Variants in CCDC91 observed in about 807,000 individuals in gnomAD.
CCDC91 encodes the protein coiled-coil domain-containing protein 91.
Under a neutral mutation model 63.2 loss-of-function variants are expected in CCDC91, and 48 were observed. The observed-to-expected ratio is 0.76, with a 90% CI of 0.60 to 0.97. The LOEUF is 0.97. Ranked by LOEUF, CCDC91 falls within the 50% of genes least tolerant of loss-of-function variation. CCDC91 has a pLI of 0.00. For missense variants in CCDC91, 500 were observed against 494.6 expected (o/e 1.01, Z -0.10); for synonymous variants, 167 against 165.8 (o/e 1.01, Z -0.06).
At chr12:28,254,421 A>T (rs568872394) in intron 1 of CCDC91, among the ~76,000 whole-genome samples, 6 of 152,338 alleles carry the variant, frequency 3.9e-5, no homozygotes, top group African/African-American at 1.2e-4. Flanking sequence ...TAAATGCTAG[A>T]ATATTCTAAA....
chr12:28,202,093 T>G (rs1942495581), intron 1 of CCDC91, among the ~76,000 whole-genome samples: 1 of 151,706 alleles, frequency 6.6e-6, no homozygotes, highest in Non-Finnish European at 1.5e-5. Context: ...AATTCCACAA[T>G]GTTTGTTTCT....
At chr12:28,227,858 C>T (rs1213863068) in intron 1 of CCDC91, among the ~76,000 whole-genome samples, 1 of 151,932 alleles carries the variant, frequency 6.6e-6, no homozygotes, top group African/African-American at 2.4e-5. Context: ...CTGTGTTTGC[C>T]TCTAACTGAT....
chr12:28,272,244 G>C (rs1413645482), intron 3 of CCDC91, among the ~76,000 whole-genome samples: 1 of 151,504 alleles, frequency 6.6e-6, no homozygotes, highest in Non-Finnish European at 1.5e-5. Context: ...AATTTTTTGG[G>C]CTTCTGAATG....
At position 28,259,331 on chromosome 12, in the gene CCDC91, A is replaced by G. The variant is rs753040669; in HGVS notation, c.31-33A>G. ...CTTAAATAGCATTTCTGCTTTTCAC[A>G]TCTTCTAAAATAATCTTGCCTTTGT... On this transcript the variant is annotated intron_variant, in intron 2 of 12. Transcript: ENST00000536442. The G allele has an allele frequency of 4.6e-6, 7 of 1,533,042 alleles. No homozygotes were observed. In the African/African-American group the frequency reaches 8.2e-5, roughly 18 times the overall value. 95.0% of individuals were successfully genotyped at this position (1,533,042 alleles called of 1,614,324 possible).
intron 10 of CCDC91, 146 bp from the exon 11 acceptor site, chr12:28,452,332 A>G: frequency 2.3e-6 from 1 of 440,424 alleles, no homozygotes. Context: ...ATTTTGTAGC[A>G]GTTATTTACT....
At chr12:28,301,735 T>A (rs1029598193) in intron 3 of CCDC91, among the ~76,000 whole-genome samples, 1 of 151,642 alleles carries the variant, frequency 6.6e-6, no homozygotes, top group African/African-American at 2.4e-5. Flanking sequence ...TCACAGAAAA[T>A]TTATTTTTAA....
intron 1 of CCDC91, among the ~76,000 whole-genome samples, chr12:28,192,323 G>A (rs1164018478): frequency 6.6e-6 from 1 of 152,172 alleles, no homozygotes; most frequent in Non-Finnish European, 1.5e-5. Flanking sequence ...TGATTGTTAT[G>A]AATGAAGATA....
At chr12:28,481,682 C>A (rs1951455961) in intron 11 of CCDC91, among the ~76,000 whole-genome samples, 1 of 151,946 alleles carries the variant, frequency 6.6e-6, no homozygotes, top group Non-Finnish European at 1.5e-5. Context: ...TTTTATATAA[C>A]ATTCAAAGGA....
intron 6 of CCDC91, among the ~76,000 whole-genome samples, chr12:28,341,608 A>T (rs1361401586): frequency 2.0e-5 from 3 of 152,210 alleles, no homozygotes; most frequent in Non-Finnish European, 4.4e-5. Context: ...ACTTGTTTTT[A>T]GGATGCCATT....
At chr12:28,534,425 A>G (rs1249047861) in intron 12 of CCDC91, among the ~76,000 whole-genome samples, 1 of 152,180 alleles carries the variant, frequency 6.6e-6, no homozygotes, top group Admixed American at 6.6e-5. Flanking sequence ...GGGAGCATCA[A>G]ATAGTAAGGT....
intron 12 of CCDC91, among the ~76,000 whole-genome samples, chr12:28,526,537 T>C (rs1490843730): frequency 6.6e-6 from 1 of 152,168 alleles, no homozygotes; most frequent in Non-Finnish European, 1.5e-5. Context: ...CTCTTAAAAT[T>C]CTGTCCTCCA....
chr12:28,413,627 C>T (rs749753069), intron 8 of CCDC91, among the ~76,000 whole-genome samples: 3 of 152,094 alleles, frequency 2.0e-5, no homozygotes, highest in Non-Finnish European at 4.4e-5. Context: ...TAACAAACTG[C>T]GCACCTAAAT....
intron 1 of CCDC91, among the ~76,000 whole-genome samples, chr12:28,231,851 A>C (rs1036930476): frequency 2.0e-5 from 3 of 152,174 alleles, no homozygotes; most frequent in Non-Finnish European, 2.9e-5. Context: ...TGTTAAGTGA[A>C]TCTGATTCAG....
At chr12:28,413,720 G>A (rs1216785317) in intron 8 of CCDC91, among the ~76,000 whole-genome samples, 1 of 152,164 alleles carries the variant, frequency 6.6e-6, no homozygotes, top group Non-Finnish European at 1.5e-5. Flanking sequence ...CTTCTGTTGG[G>A]TGATTGCAGT....
At chr12:28,270,769 A>AT (rs1387952031) in intron 3 of CCDC91, among the ~76,000 whole-genome samples, 1 of 152,068 alleles carries the variant, frequency 6.6e-6, no homozygotes, top group Non-Finnish European at 1.5e-5. Context: ...ACTTCTCCTG[A>AT]TTTTTTAAAA....
At chr12:28,376,371 A>G (rs1190439752) in intron 7 of CCDC91, among the ~76,000 whole-genome samples, 1 of 151,884 alleles carries the variant, frequency 6.6e-6, no homozygotes, top group East Asian at 1.9e-4. Flanking sequence ...AAACCCTAAC[A>G]GAAACCAAAT....
chr12:28,423,771 C>G (rs960717434), intron 8 of CCDC91, among the ~76,000 whole-genome samples: 2 of 151,920 alleles, frequency 1.3e-5, no homozygotes, highest in African/African-American at 4.8e-5. Context: ...ATTTTAAAAA[C>G]TAATGTAATT....
At chr12:28,429,717 A>T (rs1303319535) in intron 8 of CCDC91, among the ~76,000 whole-genome samples, 1 of 152,076 alleles carries the variant, frequency 6.6e-6, no homozygotes, top group Non-Finnish European at 1.5e-5. Context: ...ATGCATGTGT[A>T]TTTTTTCTTC....
intron 8 of CCDC91, among the ~76,000 whole-genome samples, chr12:28,449,697 A>C (rs1300003569): frequency 2.0e-5 from 3 of 151,990 alleles, no homozygotes; most frequent in African/African-American, 7.2e-5. Context: ...ACAATTAATA[A>C]ATCTTTCAAT....
Sources: gnomAD v4.1 joint callset for allele counts (sites outside exome capture counted in the v4.1 genomes callset) on GRCh38, gnomAD v4.1.1 for gene constraint, MANE v1.5 for transcripts, NCBI Gene and HGNC (gene_info 2026-07-23, HGNC 2026-07-21) for gene names.